Variants in GPM6A observed in about 807,000 individuals in gnomAD.
GPM6A encodes the protein glycoprotein M6A, also known as neuronal membrane glycoprotein M6-a.
GPM6A carries 7 observed loss-of-function variants against 32.1 expected under a neutral mutation model. The ratio of observed to expected loss-of-function variants is 0.22; its 90% CI spans 0.12 to 0.41. The LOEUF is 0.41. GPM6A is among the 10% of genes least tolerant of loss of function. GPM6A has a pLI of 1.00. For synonymous variants in GPM6A, 130 were observed against 123.4 expected (o/e 1.05, Z -0.35); for missense variants, 235 against 347.2 (o/e 0.68, Z 2.57).
chr4:175,738,228 G>A (rs370241380), intron 1 of GPM6A, among the ~76,000 whole-genome samples: 2 of 151,984 alleles, frequency 1.3e-5, no homozygotes, highest in South Asian at 4.1e-4. Flanking sequence ...ATGAGTTACC[G>A]CGTCTGGCTG....
At chr4:175,926,695 G>T (rs1738848991) in intron 1 of GPM6A, among the ~76,000 whole-genome samples, 1 of 152,052 alleles carries the variant, frequency 6.6e-6, no homozygotes, top group Non-Finnish European at 1.5e-5. Flanking sequence ...AATATTAGAA[G>T]AATATGTTCC....
At chr4:175,703,171 T>C (rs1744971329) in intron 1 of GPM6A, among the ~76,000 whole-genome samples, 1 of 152,092 alleles carries the variant, frequency 6.6e-6, no homozygotes. Context: ...TAACTATTAT[T>C]ACTTTTGGGG....
intron 4 of GPM6A, among the ~76,000 whole-genome samples, chr4:175,643,364 G>T (rs1055797216): frequency 1.3e-5 from 2 of 152,106 alleles, no homozygotes; most frequent in Non-Finnish European, 2.9e-5. Flanking sequence ...GGTACATCGT[G>T]GGAACTCATA....
At chr4:175,694,856 G>A (rs1248891689) in intron 2 of GPM6A, among the ~76,000 whole-genome samples, 1 of 151,984 alleles carries the variant, frequency 6.6e-6, no homozygotes, top group Non-Finnish European at 1.5e-5. Context: ...CCCATCACAG[G>A]CCCAGAGGTG....
chr4:175,988,282 A>C (rs1741038917), intron 1 of GPM6A, among the ~76,000 whole-genome samples: 1 of 152,214 alleles, frequency 6.6e-6, no homozygotes, highest in Non-Finnish European at 1.5e-5. Flanking sequence ...TAATCATTTT[A>C]AAATTAAAAG....
chr4:175,926,564 TG>T (rs1738845101), intron 1 of GPM6A, among the ~76,000 whole-genome samples: 1 of 152,198 alleles, frequency 6.6e-6, no homozygotes, highest in African/African-American at 2.4e-5. Context: ...AATTTAAATA[TG>T]ACAATTTTCT....
chr4:175,976,792 C>A (rs540802217), intron 1 of GPM6A, among the ~76,000 whole-genome samples: 3 of 152,282 alleles, frequency 2.0e-5, no homozygotes, highest in South Asian at 4.1e-4. Context: ...GAGGTAGAAC[C>A]ACCCACACAG....
At chr4:175,679,418 G>A (rs182236315) in intron 2 of GPM6A, among the ~76,000 whole-genome samples, 97 of 152,102 alleles carry the variant, frequency 6.4e-4, no homozygotes, top group African/African-American at 2.2e-3. Flanking sequence ...TCATCATCTA[G>A]TTAAGATGAT....
Position 175,871,710 on chromosome 4 carries a change from G to A in GPM6A, c.-22-59461C>T, listed in dbSNP as rs558180403. ...GGTTATCTATGCTGTTACTTCTCCCGTATAGGAATATTGCCTATTTCAGAG... is the reference window on the plus strand; with the variant it reads ...GGTTATCTATGCTGTTACTTCTCCCATATAGGAATATTGCCTATTTCAGAG... On this transcript the variant is annotated intron_variant, in intron 1 of 7. Transcript: ENST00000280187. 1.4e-4 allele frequency among the ~76,000 whole-genome samples: 21 copies of A among 152,174 alleles called. No individual in the cohort carries two copies. The South Asian group carries it at 1.7e-3, about 12-fold the overall frequency.
chr4:175,951,172 C>T (rs942015670), intron 1 of GPM6A, among the ~76,000 whole-genome samples: 2 of 152,110 alleles, frequency 1.3e-5, no homozygotes, highest in African/African-American at 4.8e-5. Context: ...ACTGAACTCC[C>T]CATGGAATGA....
At chr4:175,930,489 C>G (rs1738998526) in intron 1 of GPM6A, among the ~76,000 whole-genome samples, 1 of 150,674 alleles carries the variant, frequency 6.6e-6, no homozygotes. Context: ...TTCTAAGGAG[C>G]ATTTTGGGTA....
intron 1 of GPM6A, among the ~76,000 whole-genome samples, chr4:175,907,754 T>C (rs181693157): frequency 6.6e-6 from 1 of 152,282 alleles, no homozygotes; most frequent in African/African-American, 2.4e-5. Context: ...GATCACACTT[T>C]ATATCCAATC....
chr4:175,992,151 A>G (rs184115259), intron 1 of GPM6A, among the ~76,000 whole-genome samples: 2 of 152,212 alleles, frequency 1.3e-5, no homozygotes, highest in Admixed American at 6.5e-5. Context: ...ATAAACTTAC[A>G]TGTTAAAATT....
At chr4:175,997,531 C>T (rs563420688) in intron 1 of GPM6A, among the ~76,000 whole-genome samples, 70 of 151,976 alleles carry the variant, frequency 4.6e-4, no homozygotes, top group African/African-American at 1.5e-3. Context: ...CCTTGCCCAA[C>T]CTTCTCATCA....
chr4:175,751,386 T>A (rs1732329867), intron 1 of GPM6A, among the ~76,000 whole-genome samples: 1 of 152,212 alleles, frequency 6.6e-6, no homozygotes, highest in Non-Finnish European at 1.5e-5. Context: ...TGGCAACTTA[T>A]TTTCCCAAGG....
At chr4:175,879,813 G>A (rs1737211132) in intron 1 of GPM6A, among the ~76,000 whole-genome samples, 1 of 152,148 alleles carries the variant, frequency 6.6e-6, no homozygotes, top group Admixed American at 6.5e-5. Flanking sequence ...AGAAAAGAAT[G>A]TTATGCTATT....
At chr4:175,900,500 A>AAT (rs1737929930) in intron 1 of GPM6A, among the ~76,000 whole-genome samples, 1 of 151,836 alleles carries the variant, frequency 6.6e-6, no homozygotes, top group Non-Finnish European at 1.5e-5. Context: ...CAAATGGCAA[A>AAT]AAAAAAAGCA....
At chr4:175,693,583 A>G (rs1227451327) in intron 2 of GPM6A, among the ~76,000 whole-genome samples, 1 of 152,000 alleles carries the variant, frequency 6.6e-6, no homozygotes, top group African/African-American at 2.4e-5. Flanking sequence ...CTTTTTTGAA[A>G]AGATTTTTGG....
chr4:175,803,354 TAA>T (rs759726923), intron 1 of GPM6A, among the ~76,000 whole-genome samples: 1 of 152,152 alleles, frequency 6.6e-6, no homozygotes, highest in East Asian at 1.9e-4. Flanking sequence ...TGCCATATAG[TAA>T]GTGACAAACA....
Sources: gnomAD v4.1 joint callset for allele counts (sites outside exome capture counted in the v4.1 genomes callset) on GRCh38, gnomAD v4.1.1 for gene constraint, MANE v1.5 for transcripts, NCBI Gene and HGNC (gene_info 2026-07-23, HGNC 2026-07-21) for gene names.